The following IQSEC1 variants were observed in gnomAD, a reference collection of about 807,000 sequenced individuals.
The protein encoded by IQSEC1 is IQ motif and Sec7 domain ArfGEF 1.
Under a neutral mutation model 91.0 loss-of-function variants are expected in IQSEC1, and 31 were observed. The ratio of observed to expected loss-of-function variants is 0.34; its 90% confidence interval spans 0.26 to 0.46. IQSEC1 has a LOEUF of 0.46. Among genes scored for constraint, IQSEC1 ranks in the 20% least tolerant of loss-of-function variants. The pLI, the probability that IQSEC1 is intolerant of heterozygous loss-of-function variation, is 1.00. For missense variants in IQSEC1, 1,388 were observed against 1,575.6 expected (o/e 0.88, Z 2.02); for synonymous variants, 699 against 662.6 (o/e 1.05, Z -0.84).
chr3:12,955,333 C>T (rs112796310), intron 1 of IQSEC1, among the ~76,000 whole-genome samples: 2 of 152,340 alleles, frequency 1.3e-5, no homozygotes, highest in East Asian at 1.9e-4. Context: ...GGAGGCCTGC[C>T]GGGCTGGGCC....
chr3:13,014,364 G>C (rs1703020966), intron 1 of IQSEC1, among the ~76,000 whole-genome samples: 1 of 152,222 alleles, frequency 6.6e-6, no homozygotes, highest in South Asian at 2.1e-4. Context: ...TGGAAACCCA[G>C]GCCCAGAGAT....
chr3:12,951,654 AC>A (rs1699556756), intron 1 of IQSEC1, among the ~76,000 whole-genome samples: 1 of 152,120 alleles, frequency 6.6e-6, no homozygotes, highest in South Asian at 2.1e-4. Flanking sequence ...CTGGCTGTTG[AC>A]CAAAAAGACT....
chr3:13,263,394 T>TG (rs1294572650), intron 1 of IQSEC1, among the ~76,000 whole-genome samples: 4 of 127,896 alleles, frequency 3.1e-5, no homozygotes, highest in Admixed American at 8.5e-5. Flanking sequence ...AACCCTCCTT[T>TG]GGGGGGAAAA....
At chr3:12,946,166 G>C (rs904778478) in intron 1 of IQSEC1, among the ~76,000 whole-genome samples, 6 of 152,212 alleles carry the variant, frequency 3.9e-5, no homozygotes, top group Admixed American at 2.0e-4. Context: ...TTTTGGGTTA[G>C]AGAACAGCCA....
At chr3:13,267,688 G>A (rs916406897) in intron 1 of IQSEC1, among the ~76,000 whole-genome samples, 5 of 147,020 alleles carry the variant, frequency 3.4e-5, no homozygotes, top group Admixed American at 2.8e-4. Context: ...CACCATCTCC[G>A]CTCACTGCAA....
At chr3:13,178,166 C>A (rs1168938298) in intron 1 of IQSEC1, among the ~76,000 whole-genome samples, 1 of 152,248 alleles carries the variant, frequency 6.6e-6, no homozygotes, top group Non-Finnish European at 1.5e-5. Context: ...CAGTCTCTGT[C>A]CTGCATTCAT....
chr3:13,106,183 A>G (rs1285869308), intron 2 of IQSEC1, among the ~76,000 whole-genome samples: 4 of 152,052 alleles, frequency 2.6e-5, no homozygotes, highest in Non-Finnish European at 5.9e-5. Flanking sequence ...GCCTTCCATA[A>G]TCTCAGCCTG....
At chr3:13,263,435 G>GAAAAAGTACCTGACACTTTTTTGTTTT (rs1559288981) in intron 1 of IQSEC1, among the ~76,000 whole-genome samples, 1 of 130,350 alleles carries the variant, frequency 7.7e-6, no homozygotes, top group Non-Finnish European at 1.7e-5. Flanking sequence ...TTTGGGGGGG[G>GAAAAAGTACCTGACACTTTTTTGTTTT]GGGGAAAGTA....
chr3:12,920,282 C>G, intron 6 of IQSEC1, 148 bp downstream of exon 6: 1 of 751,640 alleles, frequency 1.3e-6, no homozygotes, highest in Non-Finnish European at 2.2e-6. Context: ...TCTGTGCTCC[C>G]CAAAGGCCCC....
Position 13,207,751 on chromosome 3 carries a change from G to C in IQSEC1, c.273-43618C>G, listed in dbSNP as rs1322623297. Among the ~76,000 whole-genome samples the C allele has an allele frequency of 6.6e-6, 1 of 152,010 alleles. No individual in the cohort carries two copies. The highest frequency in any genetic ancestry group is 6.6e-5 in the Admixed American group (1 of 15,250). On this transcript the variant is annotated intron_variant, in intron 1 of 15. Transcript: ENST00000648114. This position sits in a 1 kb window ranked among gnomAD's most constrained non-coding sequence, Gnocchi z 4.8. ...ACGCCATCGCCAGCTCTCCCGGGAG[G>C]CTCTCTCTCACCATCGCATCTAAAC...
intron 2 of IQSEC1, among the ~76,000 whole-genome samples, chr3:13,134,846 C>T (rs749635736): frequency 3.9e-5 from 6 of 152,166 alleles, no homozygotes; most frequent in Non-Finnish European, 5.9e-5. Flanking sequence ...TGGCCCAGTC[C>T]AGCCTCAGAA....
At chr3:13,049,675 C>A (rs1434959554) in intron 1 of IQSEC1, among the ~76,000 whole-genome samples, 3 of 152,176 alleles carry the variant, frequency 2.0e-5, no homozygotes, top group African/African-American at 7.2e-5. Context: ...GGACTCCTTT[C>A]TTCCTTCTTC....
At chr3:13,234,749 G>A (rs771779666) in intron 1 of IQSEC1, among the ~76,000 whole-genome samples, 2 of 152,170 alleles carry the variant, frequency 1.3e-5, no homozygotes, top group Non-Finnish European at 2.9e-5. Flanking sequence ...CAACTCTCGG[G>A]TGTGACTAAA....
Position 12,938,473 on chromosome 3 carries a change from G to A in IQSEC1, c.319-1776C>T, listed in dbSNP as rs141172946. ...GCTGGGTGGAGGAGAAGAGCTGGGG[G>A]GGCTTGAGGGGAGCAGATCAAAATG... is the stretch of plus-strand genomic sequence containing the variant. On this transcript the variant is annotated intron_variant, in intron 2 of 13. Transcript: ENST00000613206. 1.1e-3 allele frequency among the ~76,000 whole-genome samples: 163 copies of A among 152,316 alleles called. 1 individual carries two copies. The highest frequency in any genetic ancestry group is 3.7e-3 in the African/African-American group (155 of 41,578).
chr3:13,254,368 A>G (rs577494602), intron 1 of IQSEC1, among the ~76,000 whole-genome samples: 1 of 152,308 alleles, frequency 6.6e-6, no homozygotes, highest in African/African-American at 2.4e-5. Flanking sequence ...GGCGCCATGA[A>G]CACACCCGGC....
At chr3:13,156,021 C>T (rs1249330013) in intron 2 of IQSEC1, among the ~76,000 whole-genome samples, 1 of 150,728 alleles carries the variant, frequency 6.6e-6, no homozygotes, top group East Asian at 1.9e-4. Context: ...GAGTTCAAGA[C>T]CAGTCTGCCC....
chr3:13,088,584 C>A (rs111638422), intron 2 of IQSEC1, among the ~76,000 whole-genome samples: 12 of 152,246 alleles, frequency 7.9e-5, no homozygotes, highest in African/African-American at 2.9e-4. Context: ...CCAGACCAAT[C>A]CTTTGGCTGA....
intron 2 of IQSEC1, among the ~76,000 whole-genome samples, chr3:13,079,336 G>C (rs1480630100): frequency 2.0e-5 from 3 of 152,384 alleles, no homozygotes; most frequent in Middle Eastern, 3.4e-3. Flanking sequence ...CCCAGGCCAG[G>C]CATGGGAAAC....
At chr3:12,927,005 T>G (rs1697202346) in intron 3 of IQSEC1, among the ~76,000 whole-genome samples, 1 of 152,140 alleles carries the variant, frequency 6.6e-6, no homozygotes, top group Admixed American at 6.5e-5. Flanking sequence ...CAAGATCACA[T>G]GCCTCGCTAT....
Sources: gnomAD v4.1 joint callset for allele counts (sites outside exome capture counted in the v4.1 genomes callset) on GRCh38, gnomAD v4.1.1 for gene constraint, Gnocchi (gnomAD v3.1) non-coding constraint, MANE v1.5 for transcripts, NCBI Gene and HGNC (gene_info 2026-07-23, HGNC 2026-07-21) for gene names.